The following DEFB121 variants were observed in gnomAD, a reference collection of about 807,000 sequenced individuals.
DEFB121 encodes the protein beta-defensin 121.
A neutral mutation model predicts 2.5 loss-of-function variants in DEFB121; 5 were observed. That is an observed-to-expected ratio of 1.96 (90% confidence interval 1.03 to 4.13). The LOEUF is 4.13. Among genes scored for constraint, DEFB121 ranks in the 30% most tolerant of loss-of-function variants. The pLI is 0.00. For missense variants in DEFB121, 87 were observed against 85.0 expected, an observed-to-expected ratio of 1.02 and a Z score of -0.09; for synonymous variants, 39 against 32.6, an observed-to-expected ratio of 1.20 and a Z score of -0.67.
At chr20:31,409,282 A>G (rs377703521), upstream of DEFB121, among the ~76,000 whole-genome samples, 3 of 152,238 alleles carry the variant, frequency 2.0e-5, no homozygotes, top group East Asian at 3.8e-4. Flanking sequence ...AAATGAAGAC[A>G]TATGTCCACG....
At position 31,405,098 on chromosome 20, in the gene DEFB121, G is replaced by C; in HGVS notation, c.59-13C>G. 8.2e-6 allele frequency: 13 copies of C among 1,590,126 alleles called. No homozygotes were observed. Among genetic ancestry groups the C allele is most frequent in the Non-Finnish European group, 1.1e-5 (13 of 1,172,278 alleles). On this transcript the variant is annotated splice_polypyrimidine_tract_variant and intron_variant, in intron 1 of 1. Transcript: ENST00000376314. Reference sequence around the variant, plus strand: ...CAACATTTCATGACTGAAAACAAAAGGGAAGAAGAGAATAGAGTCAGTTTT... The same window carrying C: ...CAACATTTCATGACTGAAAACAAAACGGAAGAAGAGAATAGAGTCAGTTTT...
upstream of DEFB121, among the ~76,000 whole-genome samples, chr20:31,409,727 A>G (rs1257041882): frequency 6.6e-6 from 1 of 152,220 alleles, no homozygotes; most frequent in Admixed American, 6.5e-5. Context: ...AGCCTGGACA[A>G]CAAGAGCGAA....
chr20:31,407,107 G>A (rs147001079), upstream of DEFB121, among the ~76,000 whole-genome samples: 91 of 152,274 alleles, frequency 6.0e-4, no homozygotes, highest in East Asian at 0.013. Context: ...AAAATTAGCC[G>A]GGCGTGGTGG....
intron 1 of DEFB121, 57 bp from the exon 2 acceptor site, chr20:31,405,142 G>A (rs1978435346): frequency 2.0e-6 from 3 of 1,533,604 alleles, no homozygotes; most frequent in East Asian, 2.3e-5. Flanking sequence ...GCAGAAAGGT[G>A]TGAAAGGAAG....
chr20:31,406,230 A>G, upstream of DEFB121: 1 of 1,593,060 alleles, frequency 6.3e-7, no homozygotes, highest in Non-Finnish European at 8.5e-7. Flanking sequence ...TGGGCAGTCC[A>G]GACTGGTATT....
chr20:31,412,011 C>T (rs888102585), intron 1 of DEFB121, among the ~76,000 whole-genome samples: 3 of 152,200 alleles, frequency 2.0e-5, no homozygotes, highest in Admixed American at 1.3e-4. Flanking sequence ...ATAAGTGACC[C>T]TAACTGAAGA....
upstream of DEFB121, among the ~76,000 whole-genome samples, chr20:31,407,924 C>T (rs534766849): frequency 1.1e-4 from 17 of 152,108 alleles, no homozygotes; most frequent in South Asian, 2.1e-4. Flanking sequence ...ACTACAGGCA[C>T]GCGCCACCAC....
upstream of DEFB121, among the ~76,000 whole-genome samples, chr20:31,414,213 AGAAAGAAAGAAAGAAG>A (rs1157116068): frequency 2.0e-5 from 3 of 151,862 alleles, no homozygotes; most frequent in Admixed American, 6.6e-5. Flanking sequence ...ATCAAAAGGA[AGAAAGAAAGAAAGAAG>A]GAAAGAGAGA....
chr20:31,407,544 G>C (rs1436629878), upstream of DEFB121, among the ~76,000 whole-genome samples: 1 of 152,148 alleles, frequency 6.6e-6, no homozygotes, highest in Non-Finnish European at 1.5e-5. Flanking sequence ...GAGATACGTG[G>C]GGCACAGCTA....
upstream of DEFB121, among the ~76,000 whole-genome samples, chr20:31,414,672 G>A (rs1235113516): frequency 2.6e-5 from 4 of 152,190 alleles, no homozygotes; most frequent in Admixed American, 6.5e-5. Flanking sequence ...AACAAAGAGT[G>A]GCATGATGAT....
At chr20:31,413,444 C>T (rs1978716027), upstream of DEFB121, among the ~76,000 whole-genome samples, 1 of 152,112 alleles carries the variant, frequency 6.6e-6, no homozygotes, top group African/African-American at 2.4e-5. Flanking sequence ...CCAGGGTATG[C>T]CACAGTAACC....
At chr20:31,408,975 G>A (rs771377371), upstream of DEFB121, among the ~76,000 whole-genome samples, 3 of 151,606 alleles carry the variant, frequency 2.0e-5, no homozygotes, top group Non-Finnish European at 4.4e-5. Context: ...GCAGTGAGCC[G>A]AGATGGTGCC....
At chr20:31,407,581 G>A (rs941853850), upstream of DEFB121, among the ~76,000 whole-genome samples, 10 of 152,166 alleles carry the variant, frequency 6.6e-5, no homozygotes, top group African/African-American at 2.2e-4. Flanking sequence ...GATCTACAGT[G>A]AGAAACAGAG....
chr20:31,416,992 G>A (rs1233774851), upstream of DEFB121, among the ~76,000 whole-genome samples: 3 of 152,120 alleles, frequency 2.0e-5, no homozygotes, highest in African/African-American at 4.8e-5. Context: ...AACCTTAAAA[G>A]GGGTGTTTTA....
At chr20:31,407,218 C>G (rs553742134), upstream of DEFB121, among the ~76,000 whole-genome samples, 1 of 152,114 alleles carries the variant, frequency 6.6e-6, no homozygotes, top group African/African-American at 2.4e-5. Context: ...CCACTGCACT[C>G]CAGCCTGGGC....
chr20:31,409,747 CA>C (rs2122355876), upstream of DEFB121, among the ~76,000 whole-genome samples: 1 of 152,162 alleles, frequency 6.6e-6, no homozygotes, highest in Admixed American at 6.5e-5. Flanking sequence ...AACACTGTCT[CA>C]AAAGAATAAT....
upstream of DEFB121, among the ~76,000 whole-genome samples, chr20:31,409,861 A>G (rs1015177951): frequency 6.6e-6 from 1 of 152,234 alleles, no homozygotes; most frequent in Non-Finnish European, 1.5e-5. Context: ...GAAACTCTAG[A>G]AAACACAAAC....
chr20:31,414,274 GAAAGGAAGGAAAGGAAGGC>G (rs1191451983), upstream of DEFB121, among the ~76,000 whole-genome samples: 1 of 151,792 alleles, frequency 6.6e-6, no homozygotes, highest in Non-Finnish European at 1.5e-5. Context: ...GGAAGGGGAG[GAAAGGAAGGAAAGGAAGGC>G]AAAGGAAGGA....
At chr20:31,413,796 C>T (rs1263216266), upstream of DEFB121, among the ~76,000 whole-genome samples, 2 of 152,202 alleles carry the variant, frequency 1.3e-5, no homozygotes, top group East Asian at 1.9e-4. Flanking sequence ...CCAGAATTAT[C>T]CAAACAACAA....
Sources: gnomAD v4.1 joint callset for allele counts (sites outside exome capture counted in the v4.1 genomes callset) on GRCh38, gnomAD v4.1.1 for gene constraint, MANE v1.5 for transcripts, NCBI Gene and HGNC (gene_info 2026-07-23, HGNC 2026-07-21) for gene names.